RFTN1: variants seen among roughly 807,000 people sequenced by gnomAD.
RFTN1 encodes raftlin, lipid raft linker 1.
Under a neutral mutation model 46.5 loss-of-function variants are expected in RFTN1, and 26 were observed. That is an observed-to-expected ratio of 0.56 (90% CI 0.41 to 0.78). The LOEUF (loss-of-function observed/expected upper bound fraction) is 0.78, where lower values mean the gene tolerates loss of function less well. Ranked by LOEUF, RFTN1 falls within the 30% of genes least tolerant of loss-of-function variation. RFTN1 has a pLI of 0.00. For missense variants in RFTN1, 693 were observed against 718.7 expected (o/e 0.96, Z 0.41); for synonymous variants, 261 against 284.2 (o/e 0.92, Z 0.82).
intron 5 of RFTN1, 129 bp downstream of exon 5, chr3:16,377,589 C>A: frequency 7.1e-7 from 1 of 1,414,932 alleles, no homozygotes; most frequent in Non-Finnish European, 9.4e-7. Flanking sequence ...TAAAGTTTCT[C>A]CTGTTTGATG....
At position 16,473,174 on chromosome 3, in the gene RFTN1, A is replaced by C. The variant is rs1391462299; in HGVS notation, c.145+20551T>G. Among the ~76,000 whole-genome samples the C allele has an allele frequency of 6.6e-6, 1 of 152,168 alleles. No individual in the cohort carries two copies. The highest frequency in any genetic ancestry group is 2.4e-5 in the African/African-American group (1 of 41,426). Reference sequence around the variant, plus strand: ...ACTTTCAGTCTGCAATTGCCTGTCTATTCCTTCAGCACAATTAGGTCAACA... The same window carrying C: ...ACTTTCAGTCTGCAATTGCCTGTCTCTTCCTTCAGCACAATTAGGTCAACA... On this transcript the variant is annotated intron_variant, in intron 2 of 9. Coordinates refer to ENST00000334133, the MANE Select transcript of RFTN1 (RefSeq NM_015150.2). The surrounding 1 kb of genome is among the most constrained non-coding windows in gnomAD (Gnocchi z 5.3).
rs1481258238 is a variant in RFTN1, at chr3:16,473,470, G to A, written c.145+20255C>T. Reference sequence around the variant, plus strand: ...GGCTGGAGTGCAGTGGTGTGATCTCGGCTCACTGCAATCTCTGCCTCCTGG... The same window carrying A: ...GGCTGGAGTGCAGTGGTGTGATCTCAGCTCACTGCAATCTCTGCCTCCTGG... On this transcript the variant is annotated intron_variant, in intron 2 of 9. Transcript: ENST00000334133. This position sits in a 1 kb window ranked among gnomAD's most constrained non-coding sequence, Gnocchi z 5.3. Among the ~76,000 whole-genome samples, 8 of 149,842 alleles carry A rather than the reference G, an allele frequency of 5.3e-5. No individual in the cohort carries two copies. The highest frequency in any genetic ancestry group is 1.5e-4 in the African/African-American group (6 of 40,554).
Position 16,402,844 on chromosome 3 carries a change from C to T in RFTN1, c.441+6531G>A, listed in dbSNP as rs1439414992. On this transcript the variant is annotated intron_variant, in intron 4 of 9. Transcript: ENST00000334133. This position sits in a 1 kb window ranked among gnomAD's most constrained non-coding sequence, Gnocchi z 4.5. ...TTGAGTGGGACCAGCCGCCCCTCAA[C>T]GGTCTTCATTGCAAAGGCTCAGTGG... 6.6e-6 allele frequency among the ~76,000 whole-genome samples: 1 copy of T among 152,150 alleles called. No homozygotes were observed. The highest frequency in any genetic ancestry group is 1.9e-4 in the East Asian group (1 of 5,198).
chr3:16,511,366 C>T (rs1406936387), intron 1 of RFTN1, among the ~76,000 whole-genome samples: 1 of 152,176 alleles, frequency 6.6e-6, no homozygotes, highest in Non-Finnish European at 1.5e-5. Flanking sequence ...CCTGTACCAA[C>T]ATCTGTAATT....
In RFTN1 at chr3:16,447,745, C is replaced by A. The variant is rs934780176; in HGVS notation, c.146-13708G>T. 7.2e-5 allele frequency among the ~76,000 whole-genome samples: 11 copies of A among 152,128 alleles called. No homozygotes were observed. The highest frequency in any genetic ancestry group is 4.1e-4 in the South Asian group (2 of 4,820). ...CAGGTGAAAATCATTTCTAATTACA[C>A]CCAGAAGAAAAATACGATCTATCCA... On this transcript the variant is annotated intron_variant, in intron 2 of 9. Transcript: ENST00000334133. The surrounding 1 kb of genome is among the most constrained non-coding windows in gnomAD (Gnocchi z 5.9).
rs2075213639 is a variant in RFTN1, at chr3:16,422,856, A to T, written c.332+10995T>A. On this transcript the variant is annotated intron_variant, in intron 3 of 9. Transcript: ENST00000334133. The surrounding 1 kb of genome is among the most constrained non-coding windows in gnomAD (Gnocchi z 4.6). ...ATAAGTGCTCTTGGCAAAGGTGGCT[A>T]CCTAGAAGAAAATAAAAGTTAGACT... Among the ~76,000 whole-genome samples the T allele has an allele frequency of 6.6e-6, 1 of 152,108 alleles. No homozygotes were observed. Among genetic ancestry groups the T allele is most frequent in the South Asian group, 2.1e-4 (1 of 4,826 alleles).
At chr3:16,497,655 C>A (rs893663311) in intron 1 of RFTN1, among the ~76,000 whole-genome samples, 1 of 152,196 alleles carries the variant, frequency 6.6e-6, no homozygotes, top group Admixed American at 6.5e-5. Flanking sequence ...CAAGAAGGAG[C>A]TTGTTCCTCA....
At position 16,466,521 on chromosome 3, in the gene RFTN1, T is replaced by G. The variant is rs2076095107; in HGVS notation, c.145+27204A>C. Among the ~76,000 whole-genome samples, 1 of 152,188 alleles carries G rather than the reference T, an allele frequency of 6.6e-6. No homozygotes were observed. Among genetic ancestry groups the G allele is most frequent in the Non-Finnish European group, 1.5e-5 (1 of 68,022 alleles). On this transcript the variant is annotated intron_variant, in intron 2 of 9. Transcript: ENST00000334133. This position sits in a 1 kb window ranked among gnomAD's most constrained non-coding sequence, Gnocchi z 5.6. ...TTCCTTCTGTTCTTTGATGAACACT[T>G]AAGGCCGTTTCAGAGAAGCAGCCAT...
At position 16,338,148 on chromosome 3, in the gene RFTN1, C is replaced by T. The variant is rs1193076604; in HGVS notation, c.1147-11272G>A. Among the ~76,000 whole-genome samples, 1 of 152,214 alleles carries T rather than the reference C, an allele frequency of 6.6e-6. No homozygotes were observed. The highest frequency in any genetic ancestry group is 1.5e-5 in the Non-Finnish European group (1 of 68,038). ...TCTGGTCCTGGTACATGCGGTTTCT[C>T]TAACGTCAGTTACTTGGAAGGCAGA... On this transcript the variant is annotated intron_variant, in intron 7 of 9. Coordinates refer to ENST00000334133, the MANE Select transcript of RFTN1 (RefSeq NM_015150.2). The surrounding 1 kb of genome is among the most constrained non-coding windows in gnomAD (Gnocchi z 5.3).
rs963043363 is a variant in RFTN1, at chr3:16,382,079, C to T, written c.442-3977G>A. On this transcript the variant is annotated intron_variant, in intron 4 of 9. Coordinates refer to ENST00000334133, the MANE Select transcript of RFTN1 (RefSeq NM_015150.2). The surrounding 1 kb of genome is among the most constrained non-coding windows in gnomAD (Gnocchi z 4.7). ...AGTTAAATGCTGCCCTTATCCTATG[C>T]ATTCCAGGGAAATTCACACCCCCAA... Among the ~76,000 whole-genome samples the T allele has an allele frequency of 6.6e-6, 1 of 152,200 alleles. No individual in the cohort carries two copies. Among genetic ancestry groups the T allele is most frequent in the African/African-American group, 2.4e-5 (1 of 41,444 alleles).
chr3:16,420,695 C>T (rs2075167540), intron 3 of RFTN1, among the ~76,000 whole-genome samples: 1 of 152,226 alleles, frequency 6.6e-6, no homozygotes, highest in African/African-American at 2.4e-5. Context: ...TGCTACTGAG[C>T]ACCTGAAATT....
chr3:16,398,094 A>C (rs1019362705), intron 4 of RFTN1, among the ~76,000 whole-genome samples: 4 of 151,920 alleles, frequency 2.6e-5, no homozygotes, highest in Non-Finnish European at 4.4e-5. Context: ...AAAATACGAA[A>C]AAATCAGCTG....
intron 2 of RFTN1, among the ~76,000 whole-genome samples, chr3:16,467,985 A>G (rs2076131097): frequency 6.6e-6 from 1 of 152,178 alleles, no homozygotes; most frequent in African/African-American, 2.4e-5. Flanking sequence ...CCCCAAATTA[A>G]TTCCTCAGCA....
rs937971672 is a variant in RFTN1 at position 16,457,735 on chromosome 3, C to G, written c.146-23698G>C. 6.6e-6 allele frequency among the ~76,000 whole-genome samples: 1 copy of G among 152,070 alleles called. No individual in the cohort carries two copies. Among genetic ancestry groups the G allele is most frequent in the African/African-American group, 2.4e-5 (1 of 41,390 alleles). ...ACACACAACTATTAGACAAAGGAGA[C>G]TTTTTACCATTAAGACTTAATTCGA... On this transcript the variant is annotated intron_variant, in intron 2 of 9. Transcript: ENST00000334133. The surrounding 1 kb of genome is among the most constrained non-coding windows in gnomAD (Gnocchi z 4.2).
rs866879061 is a variant in RFTN1, at chr3:16,425,931, T to C, written c.332+7920A>G. Among the ~76,000 whole-genome samples, 5 of 152,092 alleles carry C rather than the reference T, an allele frequency of 3.3e-5. No individual in the cohort carries two copies. The highest frequency in any genetic ancestry group is 1.3e-4 in the Admixed American group (2 of 15,266). On this transcript the variant is annotated intron_variant, in intron 3 of 9. Coordinates refer to ENST00000334133, the MANE Select transcript of RFTN1 (RefSeq NM_015150.2). This position sits in a 1 kb window ranked among gnomAD's most constrained non-coding sequence, Gnocchi z 4.3. ...GCTAGAGAAAACTGATGAGGAAAGATACCACACCAGAAACGAGGGGCAGCT... is the reference window on the plus strand; with the variant it reads ...GCTAGAGAAAACTGATGAGGAAAGACACCACACCAGAAACGAGGGGCAGCT...
intron 3 of RFTN1, among the ~76,000 whole-genome samples, chr3:16,411,836 A>G (rs1174472984): frequency 6.6e-6 from 1 of 152,250 alleles, no homozygotes; most frequent in Non-Finnish European, 1.5e-5. Flanking sequence ...GAGATTTCAA[A>G]TGAATAGACT....
chr3:16,427,740 G>A lies in RFTN1; in HGVS notation c.332+6111C>T, dbSNP rs1264697297. Among the ~76,000 whole-genome samples the A allele has an allele frequency of 6.6e-6, 1 of 152,148 alleles. No homozygotes were observed. The highest frequency in any genetic ancestry group is 2.4e-5 in the African/African-American group (1 of 41,442). Reference sequence around the variant, plus strand: ...TAGAGAAGTGGGCCCTGGCCTGAGGGGCTCATTACAGCACCACACACAGCC... The same window carrying A: ...TAGAGAAGTGGGCCCTGGCCTGAGGAGCTCATTACAGCACCACACACAGCC... On this transcript the variant is annotated intron_variant, in intron 3 of 9. Transcript: ENST00000334133. The surrounding 1 kb of genome is among the most constrained non-coding windows in gnomAD (Gnocchi z 5.4).
At chr3:16,404,241 ATTTT>A (rs558374619) in intron 4 of RFTN1, among the ~76,000 whole-genome samples, 1 of 13,052 alleles carries the variant, frequency 7.7e-5, no homozygotes, top group Non-Finnish European at 1.2e-4. Context: ...TATAATATAT[ATTTT>A]ATATATAATA....
chr3:16,456,163 G>A (rs1019077304), intron 2 of RFTN1, among the ~76,000 whole-genome samples: 7 of 152,152 alleles, frequency 4.6e-5, no homozygotes, highest in Admixed American at 1.3e-4. Flanking sequence ...TTAAGACCTC[G>A]AAGCAGAGTG....
Sources: gnomAD v4.1 joint callset for allele counts (sites outside exome capture counted in the v4.1 genomes callset) on GRCh38, gnomAD v4.1.1 for gene constraint, Gnocchi (gnomAD v3.1) non-coding constraint, MANE v1.5 for transcripts, NCBI Gene and HGNC (gene_info 2026-07-23, HGNC 2026-07-21) for gene names.